EREG: variants seen among roughly 807,000 people sequenced by gnomAD.
EREG encodes the protein proepiregulin.
In EREG, 23 loss-of-function variants were observed where a neutral mutation model predicts 22.4. That is an observed-to-expected ratio of 1.03 (90% CI 0.74 to 1.46). The LOEUF (loss-of-function observed/expected upper bound fraction) is 1.46. Ranked by LOEUF, EREG falls within the 40% of genes most tolerant of loss-of-function variation. The pLI is 0.00. For missense variants in EREG, 226 were observed against 205.9 expected, an observed-to-expected ratio of 1.10 and a Z score of -0.60; for synonymous variants, 100 against 75.4, an observed-to-expected ratio of 1.33 and a Z score of -1.69.
Position 74,368,541 on chromosome 4 carries a change from A to G in EREG, c.67+3166A>G, listed in dbSNP as rs140124352. On this transcript the variant is annotated intron_variant, in intron 1 of 4. Transcript: ENST00000244869. The stretch of plus-strand genomic sequence containing the variant: ...ATTCCTGTTAACTGTGAGAACGTAA[A>G]TGTATTTCCTTGGTTTAAAAAAAAT... Among the ~76,000 whole-genome samples, 1,054 of 152,248 alleles carry G rather than the reference A, an allele frequency of 6.9e-3. 16 individuals are homozygous for G. The highest frequency in any genetic ancestry group is 0.025 in the African/African-American group (1,018 of 41,548).
At chr4:74,380,927 A>G in intron 2 of EREG, 87 bp from the exon 3 acceptor site, 3 of 1,396,160 alleles carry the variant, frequency 2.1e-6, no homozygotes, top group Non-Finnish European at 2.9e-6. Flanking sequence ...GTTGTGTAGA[A>G]GTAGTTCAGT....
At position 74,388,051 on chromosome 4, in the gene EREG, A is replaced by G. The variant is rs1752601018; in HGVS notation, c.*3243A>G. On this transcript the variant is annotated 3_prime_UTR_variant, in exon 5 of 5. Coordinates refer to ENST00000244869, the MANE Select transcript of EREG (RefSeq NM_001432.3). ...TGGTATACTGGTATGACTACGTCTT[A>G]AGTCAGATTTTTATTTATGAGTCTT... 6.6e-6 allele frequency: 1 copy of G among 152,238 alleles called. No individual in the cohort carries two copies. Among genetic ancestry groups the G allele is most frequent in the Non-Finnish European group, 1.5e-5 (1 of 68,040 alleles). 9.4% of individuals were successfully genotyped at this position (152,238 alleles called of 1,614,324 possible). A position where few individuals can be genotyped will look rare whatever the true frequency, so the allele number is the denominator to read the frequency against.
intron 1 of EREG, among the ~76,000 whole-genome samples, chr4:74,366,698 T>C (rs1264688507): frequency 1.3e-5 from 2 of 152,206 alleles, no homozygotes; most frequent in Non-Finnish European, 2.9e-5. Flanking sequence ...CATTGAATAT[T>C]CTAATTTGAG....
Position 74,382,631 on chromosome 4 carries a change from G to T in EREG, c.279-14G>T, listed in dbSNP as rs1268508146. 2 of 1,553,182 alleles carry T rather than the reference G, an allele frequency of 1.3e-6. No individual in the cohort carries two copies. Among genetic ancestry groups the T allele is most frequent in the Non-Finnish European group, 1.7e-6 (2 of 1,151,254 alleles). On this transcript the variant is annotated splice_polypyrimidine_tract_variant and intron_variant, in intron 3 of 4. Transcript: ENST00000244869. ...TAAGTAACTGATCTTTCTTTCTTCCGTATTTTCCTTCAGGTGTGAAGTGGG... is the reference window on the plus strand; with the variant it reads ...TAAGTAACTGATCTTTCTTTCTTCCTTATTTTCCTTCAGGTGTGAAGTGGG...
rs1053721376 is a variant in EREG at position 74,387,554 on chromosome 4, C to A, written c.*2746C>A. ...GCATATTAAATAATAAAGTATGACCCACATTACTTTTTATGGGTGAAAATA... is the reference window on the plus strand; with the variant it reads ...GCATATTAAATAATAAAGTATGACCAACATTACTTTTTATGGGTGAAAATA... On this transcript the variant is annotated 3_prime_UTR_variant, in exon 5 of 5. Coordinates refer to ENST00000244869, the MANE Select transcript of EREG (RefSeq NM_001432.3). The A allele has an allele frequency of 5.3e-5, 8 of 152,064 alleles. No individual in the cohort carries two copies. The highest frequency in any genetic ancestry group is 1.9e-4 in the African/African-American group (8 of 41,382). 9.4% of individuals were successfully genotyped at this position (152,064 alleles called of 1,614,324 possible).
At chr4:74,384,283 T>C (rs1752531184) in intron 4 of EREG, among the ~76,000 whole-genome samples, 1 of 152,198 alleles carries the variant, frequency 6.6e-6, no homozygotes, top group Admixed American at 6.5e-5. Flanking sequence ...AATTAGTGCC[T>C]GATAAATATT....
In EREG at chr4:74,365,156, A is replaced by G; in HGVS notation, c.-153A>G. ...AGACAGTTGAGCTCACTTGCCTGATATTTCCAGTGTCAGAGGGACACAGCC... is the reference window on the plus strand; with the variant it reads ...AGACAGTTGAGCTCACTTGCCTGATGTTTCCAGTGTCAGAGGGACACAGCC... On this transcript the variant is annotated 5_prime_UTR_variant, in exon 1 of 5. It adds an upstream start codon to the 5' untranslated region. Coordinates refer to ENST00000244869, the MANE Select transcript of EREG (RefSeq NM_001432.3). 1 of 634,026 alleles carries G rather than the reference A, an allele frequency of 1.6e-6. No homozygotes were observed. Among genetic ancestry groups the G allele is most frequent in the South Asian group, 1.8e-5 (1 of 54,958 alleles). 39.3% of individuals were successfully genotyped at this position (634,026 alleles called of 1,614,324 possible).
At chr4:74,371,103 G>C (rs894226277) in intron 1 of EREG, among the ~76,000 whole-genome samples, 8 of 152,038 alleles carry the variant, frequency 5.3e-5, no homozygotes, top group African/African-American at 1.9e-4. Flanking sequence ...GGTAGCAATG[G>C]TCCCCAGGAG....
chr4:74,369,064 A>T (rs1241300517), intron 1 of EREG, among the ~76,000 whole-genome samples: 1 of 152,194 alleles, frequency 6.6e-6, no homozygotes, highest in Non-Finnish European at 1.5e-5. Flanking sequence ...AATACTCAGG[A>T]TGATTTGATA....
chr4:74,382,615 G>T, intron 3 of EREG, 30 bp from the exon 4 acceptor site: 1 of 1,540,762 alleles, frequency 6.5e-7, no homozygotes, highest in South Asian at 1.3e-5. Flanking sequence ...TTAAGTAACT[G>T]ATCTTTCTTT....
rs1187640628 is a variant in EREG at position 74,385,115 on chromosome 4, C to G, written c.*307C>G. ...GCACAGTGCTTAGAAGTAAGCAATT[C>G]CCAGGTCATAGCTCAAGAATTGTTA... On this transcript the variant is annotated 3_prime_UTR_variant, in exon 5 of 5. Coordinates refer to ENST00000244869, the MANE Select transcript of EREG (RefSeq NM_001432.3). 9.2e-6 allele frequency: 2 copies of G among 218,100 alleles called. No homozygotes were observed. Among genetic ancestry groups the G allele is most frequent in the Non-Finnish European group, 9.0e-6 (1 of 111,042 alleles). 13.5% of individuals were successfully genotyped at this position (218,100 alleles called of 1,614,324 possible).
chr4:74,371,453 CCTTTTA>C (rs2110384185), intron 1 of EREG, among the ~76,000 whole-genome samples: 1 of 152,276 alleles, frequency 6.6e-6, no homozygotes, highest in African/African-American at 2.4e-5. Flanking sequence ...CCCTTTACTT[CCTTTTA>C]CAACTCTACT....
chr4:74,375,199 G>A (rs1752358313), intron 1 of EREG, among the ~76,000 whole-genome samples: 1 of 149,818 alleles, frequency 6.7e-6, no homozygotes. Flanking sequence ...GAGAAATTAT[G>A]TTCAAACAAC....
At position 74,379,620 on chromosome 4, in the gene EREG, AT is replaced by A. The variant is rs68107539; in HGVS notation, c.154+92del. On this transcript the variant is annotated intron_variant, in intron 2 of 4. Transcript: ENST00000244869. ...ACTCAAAGACTATAAGTATGTGATA[AT>A]TTTTTAAAAAAGGGTAAGAATAGCT... The A allele has an allele frequency of 4.5e-5, 37 of 817,750 alleles. No homozygotes were observed. The Middle Eastern group carries it at 1.6e-3, about 36-fold the overall frequency. The allele number at this position is 817,750 out of a possible 1,614,324, so 50.7% of individuals were successfully genotyped here.
At chr4:74,373,854 A>G (rs571189171) in intron 1 of EREG, among the ~76,000 whole-genome samples, 3 of 152,204 alleles carry the variant, frequency 2.0e-5, no homozygotes, top group African/African-American at 7.2e-5. Flanking sequence ...AATGAGTTTT[A>G]GAGTTATTTT....
chr4:74,367,513 C>T (rs2110382467), intron 1 of EREG, among the ~76,000 whole-genome samples: 1 of 152,256 alleles, frequency 6.6e-6, no homozygotes, highest in East Asian at 1.9e-4. Flanking sequence ...TATTTAACAT[C>T]AAACATTTTT....
chr4:74,374,330 C>A (rs1752342555), intron 1 of EREG, among the ~76,000 whole-genome samples: 2 of 152,142 alleles, frequency 1.3e-5, no homozygotes, highest in South Asian at 4.1e-4. Flanking sequence ...AAATCCTAGC[C>A]TCCTCTGTAC....
chr4:74,366,889 T>G (rs1752195230), intron 1 of EREG, among the ~76,000 whole-genome samples: 1 of 152,240 alleles, frequency 6.6e-6, no homozygotes, highest in Admixed American at 6.5e-5. Context: ...CCAGTTTGTT[T>G]GGATATTTCT....
In EREG at chr4:74,387,650, T is replaced by G. The variant is rs1487289031; in HGVS notation, c.*2842T>G. 6.6e-6 allele frequency: 1 copy of G among 152,194 alleles called. No homozygotes were observed. Among genetic ancestry groups the G allele is most frequent in the Admixed American group, 6.5e-5 (1 of 15,282 alleles). The allele number at this position is 152,194 out of a possible 1,614,324, so 9.4% of individuals were successfully genotyped here. A position where few individuals can be genotyped will look rare whatever the true frequency, so the allele number is the denominator to read the frequency against. On this transcript the variant is annotated 3_prime_UTR_variant, in exon 5 of 5. Coordinates refer to ENST00000244869, the MANE Select transcript of EREG (RefSeq NM_001432.3). ...AAAACTGATTTGCTCTCAGCTGATG[T>G]GTCCTGTACACAGTGGGAAGATTTT... is the stretch of plus-strand genomic sequence containing the variant.
Sources: gnomAD v4.1 joint callset for allele counts (sites outside exome capture counted in the v4.1 genomes callset) on GRCh38, gnomAD v4.1.1 for gene constraint, MANE v1.5 for transcripts, NCBI Gene and HGNC (gene_info 2026-07-23, HGNC 2026-07-21) for gene names.